The following LUZP2 variants were observed in gnomAD, a reference collection of about 807,000 sequenced individuals.
LUZP2 encodes leucine zipper protein 2.
Under a neutral mutation model 51.6 loss-of-function variants are expected in LUZP2, and 52 were observed. That is an observed-to-expected ratio of 1.01 (90% CI 0.81 to 1.27). The LOEUF is 1.27. LUZP2 is among the 50% of genes most tolerant of loss of function. LUZP2 has a pLI of 0.00. For missense variants in LUZP2, 436 were observed against 395.4 expected (o/e 1.10, Z -0.87); for synonymous variants, 154 against 137.3 (o/e 1.12, Z -0.85).
chr11:24,750,947 CA>C (rs1354604106), intron 4 of LUZP2, among the ~76,000 whole-genome samples: 15 of 152,190 alleles, frequency 9.9e-5, no homozygotes, highest in Non-Finnish European at 1.8e-4. Context: ...CTTTTATAAT[CA>C]AAATATATGG....
chr11:24,972,019 A>G (rs1855751982), intron 7 of LUZP2, among the ~76,000 whole-genome samples: 1 of 151,702 alleles, frequency 6.6e-6, no homozygotes, highest in Non-Finnish European at 1.5e-5. Context: ...GCATGCACCT[A>G]CAATGCCAAC....
intron 1 of LUZP2, among the ~76,000 whole-genome samples, chr11:24,686,525 T>G (rs1210521819): frequency 6.6e-6 from 1 of 152,204 alleles, no homozygotes; most frequent in Non-Finnish European, 1.5e-5. Flanking sequence ...ACTCTCTTAC[T>G]GTGTTTTTAT....
At chr11:24,510,011 A>G (rs2403956) in intron 1 of LUZP2, among the ~76,000 whole-genome samples, 46,386 of 152,086 alleles carry the variant, frequency 0.3, 7,174 homozygotes, top group East Asian at 0.46. Flanking sequence ...ATTGTTATAC[A>G]TGCTCATAAC....
intron 1 of LUZP2, among the ~76,000 whole-genome samples, chr11:24,573,980 T>G (rs1186856714): frequency 6.6e-6 from 1 of 151,906 alleles, no homozygotes; most frequent in Non-Finnish European, 1.5e-5. Context: ...CTGCACCCAT[T>G]AACTCATCAT....
At chr11:25,042,219 A>AT (rs61615401) in intron 9 of LUZP2, among the ~76,000 whole-genome samples, 72,588 of 151,396 alleles carry the variant, frequency 0.48, 17,679 homozygotes, top group Non-Finnish European at 0.51. Flanking sequence ...TATGCATGCT[A>AT]TTTTTTTTAA....
chr11:24,522,966 TATGGTAATA>T (rs1564967670), intron 1 of LUZP2, among the ~76,000 whole-genome samples: 1 of 152,048 alleles, frequency 6.6e-6, no homozygotes, highest in Non-Finnish European at 1.5e-5. Context: ...CACTAACCCA[TATGGTAATA>T]TTAATGTGAA....
chr11:24,591,666 G>A (rs971762066), intron 1 of LUZP2, among the ~76,000 whole-genome samples: 4 of 152,120 alleles, frequency 2.6e-5, no homozygotes, highest in Admixed American at 2.6e-4. Flanking sequence ...TCAATTGTAC[G>A]ACCTTGAGCA....
intron 5 of LUZP2, among the ~76,000 whole-genome samples, chr11:24,820,261 C>T (rs1850319483): frequency 1.3e-5 from 2 of 152,092 alleles, no homozygotes; most frequent in Admixed American, 1.3e-4. Flanking sequence ...CACAGGAGCT[C>T]ATTATTCAGA....
chr11:24,656,112 C>T (rs1252147995), intron 1 of LUZP2, among the ~76,000 whole-genome samples: 1 of 152,070 alleles, frequency 6.6e-6, no homozygotes, highest in Non-Finnish European at 1.5e-5. Context: ...TTCTATCATT[C>T]CTGAAACAGA....
At chr11:24,876,878 A>G (rs1322969231) in intron 5 of LUZP2, among the ~76,000 whole-genome samples, 38 of 152,172 alleles carry the variant, frequency 2.5e-4, no homozygotes, top group Non-Finnish European at 1.5e-5. Flanking sequence ...TGGACCAAAC[A>G]GGAACGGACA....
intron 3 of LUZP2, among the ~76,000 whole-genome samples, chr11:24,732,674 C>A (rs1360333707): frequency 6.6e-6 from 1 of 151,586 alleles, no homozygotes; most frequent in Non-Finnish European, 1.5e-5. Context: ...TTGAGGGAAG[C>A]ATATTATGAA....
In LUZP2 at chr11:24,967,468, T is replaced by G. The variant is rs77279968; in HGVS notation, c.523-9123T>G. On this transcript the variant is annotated intron_variant, in intron 7 of 11. Transcript: ENST00000336930. The stretch of plus-strand genomic sequence containing the variant: ...TTCCTAACAATTCTGAATGCATTTT[T>G]TCTCTTTTTTTCATACTCTTTTCTT... 5.9e-5 allele frequency among the ~76,000 whole-genome samples: 9 copies of G among 152,132 alleles called. No individual in the cohort carries two copies. In the East Asian group the frequency reaches 1.7e-3, roughly 29 times the overall value.
chr11:24,842,460 G>C (rs531302224), intron 5 of LUZP2, among the ~76,000 whole-genome samples: 2 of 151,858 alleles, frequency 1.3e-5, no homozygotes, highest in Non-Finnish European at 1.5e-5. Context: ...GGGAAAAAAA[G>C]TCTTTAGCAA....
At position 25,078,540 on chromosome 11, in the gene LUZP2, G is replaced by C; in HGVS notation, c.937-14G>C. The C allele has an allele frequency of 6.3e-7, 1 of 1,595,726 alleles. No individual in the cohort carries two copies. Among genetic ancestry groups the C allele is most frequent in the Non-Finnish European group, 8.6e-7 (1 of 1,167,682 alleles). ...TTTGATTCTTCGAATTGTCTTTTCT[G>C]TATTGTTTAACAGAAATTGCAAATG... On this transcript the variant is annotated splice_polypyrimidine_tract_variant and intron_variant, in intron 11 of 11. Transcript: ENST00000336930.
At chr11:24,599,248 T>A (rs1853544154) in intron 1 of LUZP2, among the ~76,000 whole-genome samples, 1 of 152,024 alleles carries the variant, frequency 6.6e-6, no homozygotes, top group African/African-American at 2.4e-5. Context: ...TTTTCCAGAG[T>A]CAAACCAGGA....
chr11:25,077,337 A>G lies in LUZP2; in HGVS notation c.867A>G (p.Arg289=), dbSNP rs759087585. Residue 289 remains arginine (R), a synonymous_variant, in exon 11 of 12, where the codon AGA becomes AGG. Coordinates refer to ENST00000336930, the MANE Select transcript of LUZP2 (RefSeq NM_001009909.4). ...AATTGCTACTTTTGTAGGAGGGCAGACCGTGTTCCATGAAGCACAAAGAAA... is the reference window on the plus strand; with the variant it reads ...AATTGCTACTTTTGTAGGAGGGCAGGCCGTGTTCCATGAAGCACAAAGAAA... ...TTACDSQDEG[R]PCSMKHKESP... 1 of 1,612,172 alleles carries G rather than the reference A, an allele frequency of 6.2e-7. No homozygotes were observed. The highest frequency in any genetic ancestry group is 8.5e-7 in the Non-Finnish European group (1 of 1,178,546).
At chr11:24,987,361 T>G (rs1395401441) in intron 9 of LUZP2, among the ~76,000 whole-genome samples, 2 of 151,922 alleles carry the variant, frequency 1.3e-5, no homozygotes, top group Admixed American at 1.3e-4. Flanking sequence ...TACAATCCAT[T>G]TAGTGTCAGG....
At chr11:24,800,159 A>G (rs1383959940) in intron 5 of LUZP2, among the ~76,000 whole-genome samples, 1 of 152,068 alleles carries the variant, frequency 6.6e-6, no homozygotes, top group Non-Finnish European at 1.5e-5. Flanking sequence ...AAGAGAGAAT[A>G]TTTCACTTTC....
intron 7 of LUZP2, among the ~76,000 whole-genome samples, chr11:24,938,763 G>A (rs920412173): frequency 6.6e-6 from 1 of 152,050 alleles, no homozygotes; most frequent in Non-Finnish European, 1.5e-5. Context: ...GCAGGAGTAC[G>A]GTAGCAATCA....
Sources: allele counts gnomAD v4.1 joint callset (sites outside exome capture counted in the v4.1 genomes callset), GRCh38; gene constraint gnomAD v4.1.1; transcripts MANE v1.5; gene names NCBI Gene and HGNC (gene_info 2026-07-23, HGNC 2026-07-21).